The following BMPR1B variants were observed in gnomAD, a reference collection of about 807,000 sequenced individuals.
BMPR1B encodes bone morphogenetic protein receptor type 1B.
In BMPR1B, 12 loss-of-function variants were observed where a neutral mutation model predicts 59.1. That is an observed-to-expected ratio of 0.20 (90% CI 0.13 to 0.33). The LOEUF is 0.33. BMPR1B is among the 10% of genes least tolerant of loss of function. The pLI, the probability that BMPR1B is intolerant of heterozygous loss-of-function variation, is 1.00. For synonymous variants in BMPR1B, 237 were observed against 207.3 expected (o/e 1.14, Z -1.23); for missense variants, 550 against 610.9 (o/e 0.90, Z 1.05).
At chr4:94,862,944 CAA>C (rs768809079) in intron 1 of BMPR1B, among the ~76,000 whole-genome samples, 29 of 47,246 alleles carry the variant, frequency 6.1e-4, no homozygotes, top group South Asian at 2.3e-3. Context: ...GACTCCGTCT[CAA>C]AAAAAAAAAA....
At chr4:94,874,983 A>T (rs1726662289) in intron 1 of BMPR1B, among the ~76,000 whole-genome samples, 1 of 152,148 alleles carries the variant, frequency 6.6e-6, no homozygotes, top group Non-Finnish European at 1.5e-5. Flanking sequence ...ACAGAGCGAG[A>T]CACCGTCTCA....
At chr4:94,955,386 A>C (rs1377332201) in intron 2 of BMPR1B, among the ~76,000 whole-genome samples, 1 of 152,188 alleles carries the variant, frequency 6.6e-6, no homozygotes, top group Non-Finnish European at 1.5e-5. Flanking sequence ...GTGTAGTCAG[A>C]CTAGCAGCAG....
intron 3 of BMPR1B, among the ~76,000 whole-genome samples, chr4:95,071,652 G>GTGTATATATATATA (rs59539011): frequency 1.2e-5 from 1 of 84,342 alleles, no homozygotes; most frequent in Non-Finnish European, 2.5e-5. Flanking sequence ...GTGTGTGTGT[G>GTGTATATATATATA]TATATATATA....
intron 1 of BMPR1B, among the ~76,000 whole-genome samples, chr4:94,789,526 A>G (rs1383064672): frequency 7.3e-6 from 1 of 136,420 alleles, no homozygotes; most frequent in African/African-American, 2.7e-5. Flanking sequence ...CTGCTTTATG[A>G]CCCATTTGAA....
intron 1 of BMPR1B, among the ~76,000 whole-genome samples, chr4:94,790,306 G>T (rs190813959): frequency 1.1e-3 from 174 of 152,234 alleles, no homozygotes; most frequent in African/African-American, 3.9e-3. Flanking sequence ...AAAATATTTG[G>T]TATAAGCTAA....
intron 1 of BMPR1B, among the ~76,000 whole-genome samples, chr4:94,801,382 C>A (rs1228296811): frequency 6.6e-6 from 1 of 152,150 alleles, no homozygotes; most frequent in Non-Finnish European, 1.5e-5. Flanking sequence ...ATACATTCAA[C>A]CCCTTACTGG....
At chr4:95,115,863 C>T (rs936683765) in intron 6 of BMPR1B, 76 bp downstream of exon 6, 12 of 1,316,494 alleles carry the variant, frequency 9.1e-6, no homozygotes, top group Non-Finnish European at 1.3e-5. Context: ...GAATCGTTCT[C>T]TCTCAATCTA....
chr4:94,992,559 T>G (rs1229409275), intron 2 of BMPR1B, among the ~76,000 whole-genome samples: 1 of 152,248 alleles, frequency 6.6e-6, no homozygotes, highest in Non-Finnish European at 1.5e-5. Flanking sequence ...AATGTTGTTT[T>G]TAGTGTTAGA....
intron 2 of BMPR1B, among the ~76,000 whole-genome samples, chr4:94,988,954 T>C (rs895696207): frequency 4.6e-5 from 7 of 152,088 alleles, no homozygotes; most frequent in Non-Finnish European, 1.0e-4. Context: ...TCATTTACAC[T>C]GAGCGTCACC....
Position 95,154,646 on chromosome 4 carries a change from G to A in BMPR1B, c.1482G>A (p.Met494Ile). Reference protein sequence around the residue: ...ALRVKKTLAKMSESQDIKL With the variant: ...ALRVKKTLAKISESQDIKL ...GGGTTAAGAAAACACTTGCCAAAATGTCAGAGTCCCAGGACATTAAACTCT... is the reference window on the plus strand; with the variant it reads ...GGGTTAAGAAAACACTTGCCAAAATATCAGAGTCCCAGGACATTAAACTCT... The change falls in exon 13 of 13, where the codon ATG (methionine) becomes ATA (isoleucine). Residue 494 changes from methionine to isoleucine, a missense_variant. Physicochemically the swap from Met to Ile is conservative, Grantham distance 10. Transcript: ENST00000515059. 1 of 1,614,092 alleles carries A rather than the reference G, an allele frequency of 6.2e-7. No individual in the cohort carries two copies. The highest frequency in any genetic ancestry group is 8.5e-7 in the Non-Finnish European group (1 of 1,179,968).
chr4:95,060,870 A>G (rs1417941456), intron 3 of BMPR1B, among the ~76,000 whole-genome samples: 1 of 152,142 alleles, frequency 6.6e-6, no homozygotes, highest in Admixed American at 6.6e-5. Flanking sequence ...GATCTATGCC[A>G]GAATTCTTAC....
chr4:94,845,894 G>A (rs1725306605), intron 1 of BMPR1B, among the ~76,000 whole-genome samples: 1 of 152,140 alleles, frequency 6.6e-6, no homozygotes, highest in African/African-American at 2.4e-5. Flanking sequence ...CCTATATAGG[G>A]AAGGAATTTG....
At chr4:94,799,099 A>G (rs1723300885) in intron 1 of BMPR1B, among the ~76,000 whole-genome samples, 1 of 150,436 alleles carries the variant, frequency 6.6e-6, no homozygotes, top group Non-Finnish European at 1.5e-5. Context: ...ATGAAAAACA[A>G]TGGCTAGCCC....
intron 2 of BMPR1B, chr4:94,995,672 A>G (rs1296525396): frequency 6.6e-6 from 1 of 152,174 alleles, no homozygotes; most frequent in Non-Finnish European, 1.5e-5. Context: ...GACAAACTTA[A>G]TAATTGCCCT....
At chr4:94,843,641 A>G (rs1345634211) in intron 1 of BMPR1B, among the ~76,000 whole-genome samples, 1 of 151,170 alleles carries the variant, frequency 6.6e-6, no homozygotes, top group Non-Finnish European at 1.5e-5. Flanking sequence ...TTATTATTGT[A>G]TGTGTTTAGT....
At chr4:94,840,632 C>A (rs1322717638) in intron 1 of BMPR1B, among the ~76,000 whole-genome samples, 1 of 145,230 alleles carries the variant, frequency 6.9e-6, no homozygotes, top group African/African-American at 2.6e-5. Flanking sequence ...TTAAGCACTT[C>A]TTTGTATTGG....
chr4:94,834,733 A>C (rs1194929544), intron 1 of BMPR1B, among the ~76,000 whole-genome samples: 1 of 152,202 alleles, frequency 6.6e-6, no homozygotes, highest in Non-Finnish European at 1.5e-5. Flanking sequence ...CTGATTATCC[A>C]GTACAGAAAG....
intron 2 of BMPR1B, among the ~76,000 whole-genome samples, chr4:94,876,695 C>T (rs990322582): frequency 2.0e-5 from 3 of 152,070 alleles, no homozygotes; most frequent in Non-Finnish European, 4.4e-5. Context: ...TACTGAAAAC[C>T]GATAATACTA....
At chr4:95,144,762 A>G (rs1267232341) in intron 10 of BMPR1B, among the ~76,000 whole-genome samples, 1 of 152,136 alleles carries the variant, frequency 6.6e-6, no homozygotes, top group East Asian at 1.9e-4. Flanking sequence ...TTGTGCACAC[A>G]TTTCCAACCA....
Sources: allele counts gnomAD v4.1 joint callset (sites outside exome capture counted in the v4.1 genomes callset), GRCh38; gene constraint gnomAD v4.1.1; transcripts MANE v1.5; gene names NCBI Gene and HGNC (gene_info 2026-07-23, HGNC 2026-07-21).